CTDSPL2: variants seen among roughly 807,000 people sequenced by gnomAD.
CTDSPL2 encodes the protein CTD small phosphatase like 2.
CTDSPL2 carries 5 observed loss-of-function variants against 60.0 expected under a neutral mutation model. The ratio of observed to expected loss-of-function variants is 0.08; its 90% CI spans 0.04 to 0.18. The LOEUF is 0.18. Among genes scored for constraint, CTDSPL2 ranks in the 10% least tolerant of loss-of-function variants. The probability of loss-of-function intolerance (pLI) is 1.00; values close to 1 mark genes in which losing one functional copy is unlikely to be tolerated. For synonymous variants in CTDSPL2, 186 were observed against 189.3 expected (o/e 0.98, Z 0.14); for missense variants, 370 against 548.8 (o/e 0.67, Z 3.26).
At chr15:44,523,493 C>T (rs552883216) in intron 12 of CTDSPL2, among the ~76,000 whole-genome samples, 1 of 152,286 alleles carries the variant, frequency 6.6e-6, no homozygotes, top group Admixed American at 6.5e-5. Context: ...ATAATTCCAG[C>T]TACACAGGAG....
intron 2 of CTDSPL2, among the ~76,000 whole-genome samples, chr15:44,462,984 C>T (rs922414006): frequency 9.2e-5 from 14 of 151,926 alleles, no homozygotes; most frequent in African/African-American, 2.9e-4. Flanking sequence ...GGATTACAGG[C>T]GTGAGCCATC....
Position 44,479,291 on chromosome 15 carries a change from C to T in CTDSPL2, c.187-4933C>T, listed in dbSNP as rs557367190. Among the ~76,000 whole-genome samples the T allele has an allele frequency of 2.4e-4, 36 of 151,782 alleles. 1 individual carries two copies. In the South Asian group the frequency reaches 7.3e-3, roughly 31 times the overall value. On this transcript the variant is annotated intron_variant, in intron 2 of 12. Coordinates refer to ENST00000260327, the MANE Select transcript of CTDSPL2 (RefSeq NM_016396.3). ...TAATCTTTTGTTTACTCTCTTGGGC[C>T]CCTTGTAGTATAGTCTTTATTTCTG...
chr15:44,472,147 C>CT (rs1418466108), intron 2 of CTDSPL2, among the ~76,000 whole-genome samples: 2 of 152,108 alleles, frequency 1.3e-5, no homozygotes, highest in African/African-American at 4.8e-5. Context: ...ATGAAGAATG[C>CT]TGTGAACATT....
rs570178665 is a variant in CTDSPL2, at chr15:44,527,124, A to G, written c.*2950A>G. ...TTGTTTTATATTAGCTAGTATGTAT[A>G]TTTATTTTTACCCAATGGCTTTATC... is the stretch of plus-strand genomic sequence containing the variant. On this transcript the variant is annotated 3_prime_UTR_variant, in exon 13 of 13. Transcript: ENST00000260327. 1.3e-5 allele frequency: 2 copies of G among 152,636 alleles called. No homozygotes were observed. Among genetic ancestry groups the G allele is most frequent in the East Asian group, 3.9e-4 (2 of 5,186 alleles). The allele number at this position is 152,636 out of a possible 1,614,324, so 9.5% of individuals were successfully genotyped here. A position where few individuals can be genotyped will look rare whatever the true frequency, so the allele number is the denominator to read the frequency against.
chr15:44,510,994 C>A (rs2081556348), intron 8 of CTDSPL2, among the ~76,000 whole-genome samples: 1 of 152,214 alleles, frequency 6.6e-6, no homozygotes, highest in African/African-American at 2.4e-5. Context: ...ATCTCTACTT[C>A]TGTTTCTGAG....
chr15:44,505,688 C>T (rs1393417855), intron 8 of CTDSPL2, among the ~76,000 whole-genome samples: 5 of 150,102 alleles, frequency 3.3e-5, no homozygotes, highest in African/African-American at 7.4e-5. Context: ...GAGCCGAAAT[C>T]GCACCATTGC....
intron 1 of CTDSPL2, among the ~76,000 whole-genome samples, chr15:44,457,930 T>A (rs561857145): frequency 2.3e-3 from 344 of 152,340 alleles, no homozygotes; most frequent in Non-Finnish European, 2.8e-3. Context: ...TTCTATTTTT[T>A]AAAAAGTTTC....
At chr15:44,486,823 G>A (rs927492858) in intron 4 of CTDSPL2, 123 bp downstream of exon 4, 9 of 648,842 alleles carry the variant, frequency 1.4e-5, no homozygotes, top group Admixed American at 3.8e-5. Flanking sequence ...GTGCAGTGAC[G>A]CGATCTCCCC....
At chr15:44,500,839 C>G (rs767895663) in intron 8 of CTDSPL2, among the ~76,000 whole-genome samples, 16 of 152,090 alleles carry the variant, frequency 1.1e-4, no homozygotes, top group South Asian at 2.1e-4. Context: ...GTTGTCAGTT[C>G]TAGTTTTAAC....
chr15:44,506,412 C>CT (rs764238056), intron 8 of CTDSPL2, among the ~76,000 whole-genome samples: 2,609 of 112,368 alleles, frequency 0.023, 73 homozygotes, highest in African/African-American at 0.045. Flanking sequence ...CCTACTTTGA[C>CT]TTTTTTTTTT....
chr15:44,462,191 G>T lies in CTDSPL2; in HGVS notation c.186+2991G>T, dbSNP rs2080584815. On this transcript the variant is annotated intron_variant, in intron 2 of 12. Coordinates refer to ENST00000260327, the MANE Select transcript of CTDSPL2 (RefSeq NM_016396.3). ...ACTCCTGGTCTCAAGCTGTTTGCCTGCCTGGACCTCTCAAAGTGTGAGCCA... is the reference window on the plus strand; with the variant it reads ...ACTCCTGGTCTCAAGCTGTTTGCCTTCCTGGACCTCTCAAAGTGTGAGCCA... Among the ~76,000 whole-genome samples, 3 of 152,176 alleles carry T rather than the reference G, an allele frequency of 2.0e-5. No individual in the cohort carries two copies. In the South Asian group the frequency reaches 6.2e-4, roughly 31 times the overall value.
intron 2 of CTDSPL2, among the ~76,000 whole-genome samples, chr15:44,471,111 T>A (rs2080800862): frequency 6.6e-6 from 1 of 152,170 alleles, no homozygotes; most frequent in Admixed American, 6.5e-5. Context: ...TCAGTTTATC[T>A]TGCTTCCTTC....
intron 4 of CTDSPL2, among the ~76,000 whole-genome samples, chr15:44,490,569 G>A (rs1245791048): frequency 6.6e-6 from 1 of 152,136 alleles, no homozygotes; most frequent in Non-Finnish European, 1.5e-5. Context: ...TGACTAGGAT[G>A]CAGAAACTTT....
intron 2 of CTDSPL2, among the ~76,000 whole-genome samples, chr15:44,472,418 G>A (rs1265650295): frequency 6.6e-6 from 1 of 152,092 alleles, no homozygotes; most frequent in African/African-American, 2.4e-5. Context: ...GTTTTGATTT[G>A]CATTTCCCTA....
chr15:44,450,681 C>A, intron 1 of CTDSPL2, among the ~76,000 whole-genome samples: 1 of 149,658 alleles, frequency 6.7e-6, no homozygotes, highest in South Asian at 2.1e-4. Context: ...ACTGCAACCT[C>A]CGCCTCTGGG....
intron 2 of CTDSPL2, among the ~76,000 whole-genome samples, chr15:44,466,945 C>G (rs1595727175): frequency 6.6e-6 from 1 of 151,266 alleles, no homozygotes; most frequent in East Asian, 1.9e-4. Context: ...TCTCAAAAAA[C>G]AAAACAAAAC....
intron 7 of CTDSPL2, among the ~76,000 whole-genome samples, chr15:44,499,423 A>G (rs1396020689): frequency 6.6e-6 from 1 of 152,138 alleles, no homozygotes; most frequent in Non-Finnish European, 1.5e-5. Context: ...AAAAAAACAC[A>G]GAGATTGCTG....
rs1232782704 is a variant in CTDSPL2 at position 44,525,502 on chromosome 15, CT to C, written c.*1329del. On this transcript the variant is annotated 3_prime_UTR_variant, in exon 13 of 13. Transcript: ENST00000260327. ...CTCAACTGCATTAACATGCCACAGGCTCAGACTGTTTTTGTGTAAAGGATGT... is the reference window on the plus strand; with the variant it reads ...CTCAACTGCATTAACATGCCACAGGCCAGACTGTTTTTGTGTAAAGGATGT... 2 of 398,732 alleles carry C rather than the reference CT, an allele frequency of 5.0e-6. No homozygotes were observed. The highest frequency in any genetic ancestry group is 8.9e-6 in the Non-Finnish European group (2 of 225,958). 24.7% of individuals were successfully genotyped at this position (398,732 alleles called of 1,614,324 possible).
At position 44,440,075 on chromosome 15, in the gene CTDSPL2, A is replaced by T. The variant is rs914877355; in HGVS notation, c.-25+12303A>T. ...GTTTCAATTTTAGAAATTAATGGAT[A>T]TGGGGCTAATTAGGTTATCTAATGT... On this transcript the variant is annotated intron_variant, in intron 1 of 12. Transcript: ENST00000260327. Among the ~76,000 whole-genome samples, 4 of 152,092 alleles carry T rather than the reference A, an allele frequency of 2.6e-5. No homozygotes were observed. In the East Asian group the frequency reaches 7.7e-4, roughly 29 times the overall value.
Sources: allele counts gnomAD v4.1 joint callset (sites outside exome capture counted in the v4.1 genomes callset), GRCh38; gene constraint gnomAD v4.1.1; transcripts MANE v1.5; gene names NCBI Gene and HGNC (gene_info 2026-07-23, HGNC 2026-07-21).